The following SCAI variants were observed in gnomAD, a reference collection of about 807,000 sequenced individuals.
SCAI encodes the protein protein SCAI.
In SCAI, 24 loss-of-function variants were observed where a neutral mutation model predicts 92.2. That is an observed-to-expected ratio of 0.26 (90% CI 0.19 to 0.37). SCAI has a LOEUF of 0.37. SCAI is among the 10% of genes least tolerant of loss of function. SCAI has a pLI of 1.00. For missense variants in SCAI, 450 were observed against 736.2 expected, an observed-to-expected ratio of 0.61 and a Z score of 4.50; for synonymous variants, 261 against 258.6, an observed-to-expected ratio of 1.01 and a Z score of -0.09.
chr9:125,140,065 TAA>T (rs1167118353), intron 2 of SCAI, among the ~76,000 whole-genome samples: 8 of 150,540 alleles, frequency 5.3e-5, no homozygotes, highest in Non-Finnish European at 3.0e-5. Context: ...TTACAAAAAA[TAA>T]AAAGTTAGCC....
At chr9:124,999,831 T>G in intron 13 of SCAI, 60 bp downstream of exon 13, 1 of 863,056 alleles carries the variant, frequency 1.2e-6, no homozygotes, top group South Asian at 1.6e-5. Context: ...ACTTAATATT[T>G]TTTCTATTTA....
At chr9:125,023,064 C>T (rs765033013) in intron 6 of SCAI, among the ~76,000 whole-genome samples, 3 of 152,116 alleles carry the variant, frequency 2.0e-5, no homozygotes, top group Non-Finnish European at 2.9e-5. Context: ...TTTCTTCTTT[C>T]ATATTATTGT....
chr9:125,111,120 A>G (rs1039986771), intron 2 of SCAI, among the ~76,000 whole-genome samples: 8 of 152,166 alleles, frequency 5.3e-5, no homozygotes, highest in Admixed American at 2.6e-4. Context: ...CTTAAAACAC[A>G]TATGAGTAAA....
At chr9:125,090,654 T>C (rs1020513066) in intron 2 of SCAI, among the ~76,000 whole-genome samples, 3 of 152,150 alleles carry the variant, frequency 2.0e-5, no homozygotes, top group African/African-American at 7.2e-5. Context: ...TCCCCACATC[T>C]ACTCTTACAC....
chr9:124,992,683 G>A (rs1832153803), intron 14 of SCAI, among the ~76,000 whole-genome samples: 1 of 151,982 alleles, frequency 6.6e-6, no homozygotes, highest in Non-Finnish European at 1.5e-5. Context: ...TGCACGCCTG[G>A]CCTCCCTTTT....
chr9:124,967,497 C>T (rs781157016), intron 17 of SCAI, among the ~76,000 whole-genome samples: 2 of 152,098 alleles, frequency 1.3e-5, no homozygotes, highest in African/African-American at 2.4e-5. Flanking sequence ...TGCCCCTTCA[C>T]GTTTACAAAG....
intron 3 of SCAI, among the ~76,000 whole-genome samples, chr9:125,043,148 G>T (rs566122584): frequency 6.6e-6 from 1 of 151,264 alleles, no homozygotes; most frequent in Non-Finnish European, 1.5e-5. Context: ...AATTACAGGC[G>T]TGAGCCACTG....
chr9:125,140,104 C>A (rs148914807), intron 2 of SCAI, among the ~76,000 whole-genome samples: 1 of 152,072 alleles, frequency 6.6e-6, no homozygotes, highest in East Asian at 1.9e-4. Context: ...ATCTGTAGTC[C>A]CAGGTACTTG....
chr9:125,130,936 CTTTTTTTTTT>C (rs545651994), intron 2 of SCAI, among the ~76,000 whole-genome samples: 31 of 77,292 alleles, frequency 4.0e-4, no homozygotes, highest in African/African-American at 1.1e-3. Context: ...GTTTGAACCG[CTTTTTTTTTT>C]TTTTTTTTTT....
intron 6 of SCAI, among the ~76,000 whole-genome samples, chr9:125,025,634 C>T (rs1043873829): frequency 1.2e-4 from 19 of 152,136 alleles, no homozygotes; most frequent in African/African-American, 4.6e-4. Context: ...TATAGGACAA[C>T]CTAAGGGAAA....
In SCAI at chr9:124,982,298, G is replaced by C. The variant is rs578035238; in HGVS notation, c.1327-6112C>G. On this transcript the variant is annotated intron_variant, in intron 14 of 17. Transcript: ENST00000336505. Reference sequence around the variant, plus strand: ...GATCAAAGCCATACAAGTATTTTGTGGCCTAACTGCTACAGAATGAATTGG... The same window carrying C: ...GATCAAAGCCATACAAGTATTTTGTCGCCTAACTGCTACAGAATGAATTGG... Among the ~76,000 whole-genome samples, 27 of 152,222 alleles carry C rather than the reference G, an allele frequency of 1.8e-4. 1 individual carries two copies. The South Asian group carries it at 3.7e-3, about 21-fold the overall frequency.
At chr9:124,962,004 C>T (rs1474852770) in intron 17 of SCAI, among the ~76,000 whole-genome samples, 1 of 151,684 alleles carries the variant, frequency 6.6e-6, no homozygotes, top group African/African-American at 2.4e-5. Flanking sequence ...AGCTGCTTCT[C>T]GTGTTAACAT....
rs144230376 is a variant in SCAI at position 125,006,480 on chromosome 9, ACATTCATTCATT to A, written c.862-2922_862-2911del. On this transcript the variant is annotated intron_variant, in intron 9 of 17. Coordinates refer to ENST00000336505, the MANE Select transcript of SCAI (RefSeq NM_001144877.3). ...AGGAATATGTAGAAAATAACCTAAT[ACATTCATTCATT>A]CATTCATTCATTCATTTGAGACGGA... 9.1e-3 allele frequency among the ~76,000 whole-genome samples: 1,383 copies of A among 152,318 alleles called. 26 individuals are homozygous for A. Among genetic ancestry groups the A allele is most frequent in the African/African-American group, 0.031 (1,303 of 41,548 alleles).
intron 2 of SCAI, among the ~76,000 whole-genome samples, chr9:125,104,783 G>T (rs866477880): frequency 6.6e-6 from 1 of 151,540 alleles, no homozygotes; most frequent in Non-Finnish European, 1.5e-5. Context: ...AACTACACTG[G>T]TAATGTACTA....
chr9:125,010,168 ACGCAGTGGG>A (rs1159397764), intron 9 of SCAI, among the ~76,000 whole-genome samples: 2 of 152,218 alleles, frequency 1.3e-5, no homozygotes, highest in Admixed American at 1.3e-4. Context: ...ACTAGGGAGC[ACGCAGTGGG>A]CGCAGGACAG....
At chr9:125,143,265 C>G in intron 1 of SCAI, 120 bp downstream of exon 1, 1 of 528,354 alleles carries the variant, frequency 1.9e-6, no homozygotes, top group Non-Finnish European at 2.8e-6. Context: ...CCCCAGCCTG[C>G]ACCCCCCGCC....
intron 2 of SCAI, among the ~76,000 whole-genome samples, chr9:125,130,596 C>T (rs1408164956): frequency 2.0e-5 from 3 of 151,996 alleles, no homozygotes; most frequent in Non-Finnish European, 4.4e-5. Flanking sequence ...TCACTGCAAC[C>T]TCTACCTCCC....
intron 17 of SCAI, among the ~76,000 whole-genome samples, chr9:124,954,547 A>G (rs1230235446): frequency 1.3e-5 from 2 of 152,214 alleles, no homozygotes; most frequent in African/African-American, 4.8e-5. Context: ...ATCACTCTTC[A>G]ATGTCACACA....
At chr9:125,104,282 A>C (rs1313246146) in intron 2 of SCAI, among the ~76,000 whole-genome samples, 1 of 152,200 alleles carries the variant, frequency 6.6e-6, no homozygotes, top group Non-Finnish European at 1.5e-5. Context: ...AAAAACGACA[A>C]AGGAGTGTCC....
Sources: allele counts gnomAD v4.1 joint callset (sites outside exome capture counted in the v4.1 genomes callset), GRCh38; gene constraint gnomAD v4.1.1; transcripts MANE v1.5; gene names NCBI Gene and HGNC (gene_info 2026-07-23, HGNC 2026-07-21).